Variants in SLC2A9 observed in about 807,000 individuals in gnomAD.
SLC2A9 encodes solute carrier family 2 member 9.
A neutral mutation model predicts 50.6 loss-of-function variants in SLC2A9; 39 were observed. The ratio of observed to expected loss-of-function variants is 0.77; its 90% CI spans 0.60 to 1.01. The LOEUF is 1.01. Among genes scored for constraint, SLC2A9 ranks in the 50% least tolerant of loss-of-function variants. SLC2A9 has a pLI of 0.00. For synonymous variants in SLC2A9, 324 were observed against 276.9 expected (o/e 1.17, Z -1.69); for missense variants, 686 against 677.6 (o/e 1.01, Z -0.14).
chr4:9,964,538 G>T (rs1752775227), intron 5 of SLC2A9, among the ~76,000 whole-genome samples: 1 of 152,196 alleles, frequency 6.6e-6, no homozygotes, highest in African/African-American at 2.4e-5. Context: ...TTTTCAAAGA[G>T]AAACGGTAGG....
intron 10 of SLC2A9, among the ~76,000 whole-genome samples, chr4:9,852,797 A>G (rs1730171225): frequency 6.6e-6 from 1 of 152,232 alleles, no homozygotes; most frequent in African/African-American, 2.4e-5. Flanking sequence ...ACAACTACAC[A>G]ATCAAGTCTG....
chr4:10,031,863 G>C (rs1320740084), intron 1 of SLC2A9, among the ~76,000 whole-genome samples: 1 of 152,112 alleles, frequency 6.6e-6, no homozygotes, highest in African/African-American at 2.4e-5. Flanking sequence ...CTGTCCCCTG[G>C]GAATGCACTG....
intron 2 of SLC2A9, among the ~76,000 whole-genome samples, chr4:9,998,825 T>C (rs979366534): frequency 2.6e-5 from 4 of 152,072 alleles, no homozygotes; most frequent in Non-Finnish European, 5.9e-5. Flanking sequence ...CAAACATGAA[T>C]GAATACAGCT....
At chr4:9,904,842 G>A (rs537130855) in intron 8 of SLC2A9, among the ~76,000 whole-genome samples, 1 of 152,236 alleles carries the variant, frequency 6.6e-6, no homozygotes, top group Non-Finnish European at 1.5e-5. Flanking sequence ...CAGGAATTGG[G>A]GTCAATGCTA....
At chr4:9,771,291 A>T in exon 2 of SLC2A9, 1 of 388,544 alleles carries the variant, frequency 2.6e-6, no homozygotes, top group East Asian at 3.6e-5. Flanking sequence ...ATGCAGGTCA[A>T]TGGGAGTTTC....
At chr4:9,905,627 A>T (rs1740524095) in intron 8 of SLC2A9, among the ~76,000 whole-genome samples, 2 of 152,238 alleles carry the variant, frequency 1.3e-5, no homozygotes, top group African/African-American at 2.4e-5. Flanking sequence ...AAGGAAGATG[A>T]TCTGCCTGCC....
At chr4:9,999,582 T>C (rs559793008) in intron 2 of SLC2A9, among the ~76,000 whole-genome samples, 2 of 151,794 alleles carry the variant, frequency 1.3e-5, no homozygotes, top group Non-Finnish European at 2.9e-5. Flanking sequence ...AGGAGGCCAA[T>C]AGGGGAGGAA....
At chr4:10,028,204 T>G (rs1286715938) in intron 1 of SLC2A9, among the ~76,000 whole-genome samples, 1 of 152,190 alleles carries the variant, frequency 6.6e-6, no homozygotes, top group African/African-American at 2.4e-5. Context: ...GACCAAGCAA[T>G]TTCATGGTGG....
chr4:9,949,312 G>A lies in SLC2A9; in HGVS notation c.682-7267C>T, dbSNP rs556766814. Among the ~76,000 whole-genome samples the A allele has an allele frequency of 5.9e-5, 9 of 152,286 alleles. No individual in the cohort carries two copies. In the South Asian group the frequency reaches 1.9e-3, roughly 32 times the overall value. On this transcript the variant is annotated intron_variant, in intron 5 of 11. Coordinates refer to ENST00000264784, the MANE Select transcript of SLC2A9 (RefSeq NM_020041.3). ...TGCATGTTGGGGAGGATGAATGACAGCACAGATAAGAGATGCTCCAGCTAG... is the reference window on the plus strand; with the variant it reads ...TGCATGTTGGGGAGGATGAATGACAACACAGATAAGAGATGCTCCAGCTAG...
At chr4:9,869,799 G>T (rs1159761327) in intron 10 of SLC2A9, among the ~76,000 whole-genome samples, 1 of 152,202 alleles carries the variant, frequency 6.6e-6, no homozygotes, top group African/African-American at 2.4e-5. Flanking sequence ...GTTTATCAAA[G>T]CATATGAGAA....
intron 3 of SLC2A9, among the ~76,000 whole-genome samples, chr4:9,994,038 A>T (rs1434431915): frequency 2.0e-5 from 3 of 152,202 alleles, no homozygotes; most frequent in Non-Finnish European, 4.4e-5. Flanking sequence ...CCAGGCTGCC[A>T]TTGCAGTTTC....
intron 5 of SLC2A9, among the ~76,000 whole-genome samples, chr4:9,978,489 C>A (rs1374463416): frequency 2.0e-5 from 3 of 152,158 alleles, no homozygotes; most frequent in African/African-American, 7.2e-5. Flanking sequence ...TCTTCATTGA[C>A]TTTTAAATGT....
At chr4:9,936,658 G>A (rs962541053) in intron 6 of SLC2A9, among the ~76,000 whole-genome samples, 1 of 152,166 alleles carries the variant, frequency 6.6e-6, no homozygotes, top group Non-Finnish European at 1.5e-5. Flanking sequence ...CAGAAGGGGC[G>A]GGAAGGCGCT....
At chr4:9,951,245 C>A (rs1315739610) in intron 5 of SLC2A9, among the ~76,000 whole-genome samples, 2 of 152,044 alleles carry the variant, frequency 1.3e-5, no homozygotes, top group Non-Finnish European at 2.9e-5. Flanking sequence ...CACAAAAAGA[C>A]AAATATTGCA....
intron 3 of SLC2A9, among the ~76,000 whole-genome samples, chr4:9,816,182 A>AATAG (rs1427202296): frequency 5.5e-4 from 83 of 151,904 alleles, no homozygotes; most frequent in Admixed American, 1.7e-3. Flanking sequence ...AACATAAATA[A>AATAG]ATAAATAAAT....
At chr4:9,930,117 C>G (rs1011174353) in intron 6 of SLC2A9, among the ~76,000 whole-genome samples, 1 of 152,176 alleles carries the variant, frequency 6.6e-6, no homozygotes, top group African/African-American at 2.4e-5. Context: ...CCCCGCAAAT[C>G]CTGCCTGTCT....
In SLC2A9 at chr4:9,920,488, C is replaced by A. The variant is rs145688560; in HGVS notation, c.899G>T (p.Arg300Leu). The A allele has an allele frequency of 3.1e-6, 5 of 1,614,044 alleles. No individual in the cohort carries two copies. The highest frequency in any genetic ancestry group is 1.3e-5 in the African/African-American group (1 of 74,948). ...CAGCAGCTCCAGCACGGACACCAGG[C>A]GGATGCTCCTCTGCACGCGGCTCTC... ...LAESRVQRSI[R>L]LVSVLELLRA... Residue 300 changes from arginine (R) to leucine (L), a missense_variant, in exon 7 of 12, where the codon CGC becomes CTC. Transcript: ENST00000264784.
intron 5 of SLC2A9, among the ~76,000 whole-genome samples, chr4:9,972,349 G>T (rs1754037857): frequency 1.3e-5 from 2 of 151,354 alleles, no homozygotes; most frequent in East Asian, 2.0e-4. Context: ...CTTTATCTTT[G>T]CAAGAGAAAT....
At chr4:10,026,171 T>TC (rs1460568549), upstream of SLC2A9, among the ~76,000 whole-genome samples, 1 of 152,214 alleles carries the variant, frequency 6.6e-6, no homozygotes. Context: ...CTCCCTGCTC[T>TC]CCTCTGTCCT....
Sources: allele counts gnomAD v4.1 joint callset (sites outside exome capture counted in the v4.1 genomes callset), GRCh38; gene constraint gnomAD v4.1.1; transcripts MANE v1.5; gene names NCBI Gene and HGNC (gene_info 2026-07-23, HGNC 2026-07-21).